Variants in SPAG9 observed in about 807,000 individuals in gnomAD.
The protein encoded by SPAG9 is C-Jun-amino-terminal kinase-interacting protein 4.
A neutral mutation model predicts 166.5 loss-of-function variants in SPAG9; 35 were observed. The ratio of observed to expected loss-of-function variants is 0.21; its 90% confidence interval spans 0.16 to 0.28. The LOEUF (loss-of-function observed/expected upper bound fraction) is 0.28, where lower values mean the gene tolerates loss of function less well. Ranked by LOEUF, SPAG9 falls within the 10% of genes least tolerant of loss-of-function variation. The pLI, the probability that SPAG9 is intolerant of heterozygous loss-of-function variation, is 1.00. For missense variants in SPAG9, 1,235 were observed against 1,603.3 expected, an observed-to-expected ratio of 0.77 and a Z score of 3.92; for synonymous variants, 534 against 565.5, an observed-to-expected ratio of 0.94 and a Z score of 0.79.
At chr17:51,046,563 A>G in intron 4 of SPAG9, 1 of 1,536,240 alleles carries the variant, frequency 6.5e-7, no homozygotes, top group Non-Finnish European at 8.7e-7. Context: ...AAAGTGCACA[A>G]GCAGCAAAAC....
At chr17:50,980,629 A>G (rs1392744109) in intron 25 of SPAG9, among the ~76,000 whole-genome samples, 1 of 151,330 alleles carries the variant, frequency 6.6e-6, no homozygotes. Context: ...GCACTTTGGA[A>G]GGCCGAGGTG....
At chr17:51,118,675 G>A (rs971674083) in intron 1 of SPAG9, among the ~76,000 whole-genome samples, 1 of 152,172 alleles carries the variant, frequency 6.6e-6, no homozygotes, top group Non-Finnish European at 1.5e-5. Context: ...ACAAACAAGC[G>A]GAAATTGTGA....
At chr17:51,076,410 C>T (rs993116891) in intron 2 of SPAG9, among the ~76,000 whole-genome samples, 10 of 150,888 alleles carry the variant, frequency 6.6e-5, no homozygotes, top group South Asian at 4.2e-4. Context: ...GAGTGAGATC[C>T]GGTTTCAATA....
Position 51,046,454 on chromosome 17 carries a change from T to C in SPAG9, c.590+921A>G, listed in dbSNP as rs1269086362. The stretch of plus-strand genomic sequence containing the variant: ...AAGCAGACCCGTTGAGCTAAAAATT[T>C]AATAAAAACCAGCTAAGCAGGGGCT... On this transcript the variant is annotated intron_variant, in intron 4 of 29. Transcript: ENST00000262013. 5 of 1,404,890 alleles carry C rather than the reference T, an allele frequency of 3.6e-6. No individual in the cohort carries two copies. In the African/African-American group the frequency reaches 4.3e-5, roughly 12 times the overall value. The allele number at this position is 1,404,890 out of a possible 1,614,324, so 87.0% of individuals were successfully genotyped here. A position where few individuals can be genotyped will look rare whatever the true frequency, so the allele number is the denominator to read the frequency against.
At position 50,989,848 on chromosome 17, in the gene SPAG9, A is replaced by C; in HGVS notation, c.2642T>G (p.Val881Gly). Reference protein sequence around the residue: ...PPEMEAENSEVDENVPTAEEA... With the variant: ...PPEMEAENSEGDENVPTAEEA... ...TTCTGCTGTTGGAACATTTTCATCA[A>C]CCTCACTATTTTCTGCTTCCATTTC... The change falls in exon 21 of 30, where the codon GTT becomes GGT. Residue 881 changes from valine (V) to glycine (G), a missense_variant. Transcript: ENST00000262013. 1 of 1,613,964 alleles carries C rather than the reference A, an allele frequency of 6.2e-7. No individual in the cohort carries two copies. Among genetic ancestry groups the C allele is most frequent in the African/African-American group, 1.3e-5 (1 of 74,978 alleles).
chr17:50,999,979 C>A lies in SPAG9; in HGVS notation c.1608-262G>T, dbSNP rs72842250. 0.069 allele frequency among the ~76,000 whole-genome samples: 10,458 copies of A among 152,276 alleles called. 395 individuals carry two copies. Among genetic ancestry groups the A allele is most frequent in the Non-Finnish European group, 0.089 (6,078 of 68,018 alleles). On this transcript the variant is annotated intron_variant, in intron 13 of 29. Transcript: ENST00000262013. ...ACAGAGGACTGTAATATGTGCTAGA[C>A]AGCCAACATGCCTGAATGATATTTA...
chr17:51,083,349 C>T (rs2144655000), intron 1 of SPAG9, among the ~76,000 whole-genome samples: 1 of 151,402 alleles, frequency 6.6e-6, no homozygotes, highest in South Asian at 2.1e-4. Flanking sequence ...ATTCTCCTGC[C>T]TCAGCTTCCC....
rs763504092 is a variant in SPAG9 at position 51,006,114 on chromosome 17, C to G, written c.1395G>C (p.Lys465Asn). The G allele has an allele frequency of 6.2e-7, 1 of 1,614,188 alleles. No individual in the cohort carries two copies. The highest frequency in any genetic ancestry group is 1.1e-5 in the South Asian group (1 of 91,086). The change falls in exon 11 of 30, where the codon AAG (lysine) becomes AAC (asparagine). Residue 465 changes from lysine to asparagine, a missense_variant. Coordinates refer to ENST00000262013, the MANE Select transcript of SPAG9 (RefSeq NM_001130528.3). Reference sequence around the variant, plus strand: ...TAAGCTCTTCCTCCAATTCTCTGTTCTTTTCCTCTAGTTTCAGTTTGGCTT... The same window carrying G: ...TAAGCTCTTCCTCCAATTCTCTGTTGTTTTCCTCTAGTTTCAGTTTGGCTT... ...VKQAKLKLEE[K>N]NRELEEELRK...
intron 6 of SPAG9, among the ~76,000 whole-genome samples, chr17:51,028,999 G>A (rs903567689): frequency 1.1e-4 from 17 of 152,028 alleles, no homozygotes; most frequent in Non-Finnish European, 1.0e-4. Flanking sequence ...GGAGACTTAC[G>A]CAGTCATCAA....
At chr17:51,068,426 CA>C (rs2047732380) in intron 2 of SPAG9, among the ~76,000 whole-genome samples, 1 of 152,166 alleles carries the variant, frequency 6.6e-6, no homozygotes, top group African/African-American at 2.4e-5. Context: ...AGGATAACTT[CA>C]AAGAATCCCA....
rs573835883 is a variant in SPAG9 at position 51,089,552 on chromosome 17, TTA to T, written c.304-9850_304-9849del. 5.6e-3 allele frequency among the ~76,000 whole-genome samples: 780 copies of T among 139,138 alleles called. 7 individuals carry two copies. The highest frequency in any genetic ancestry group is 0.019 in the African/African-American group (710 of 38,354). 91.3% of individuals were successfully genotyped at this position (139,138 alleles called of 152,430 possible). On this transcript the variant is annotated intron_variant, in intron 1 of 29. Transcript: ENST00000262013. ...TTCCCCAAAAAATATTGAAATAAAA[TTA>T]TATATATATAATTATAATATATATG...
intron 1 of SPAG9, among the ~76,000 whole-genome samples, chr17:51,118,084 G>A (rs1207325912): frequency 1.3e-5 from 2 of 149,442 alleles, no homozygotes; most frequent in African/African-American, 4.9e-5. Context: ...GCAGTGAGCC[G>A]AGATCGTGCC....
chr17:51,086,040 C>T (rs926444741), intron 1 of SPAG9, among the ~76,000 whole-genome samples: 2 of 142,606 alleles, frequency 1.4e-5, no homozygotes, highest in African/African-American at 2.6e-5. Context: ...GCAATCTCAG[C>T]TCACTGCAAC....
intron 12 of SPAG9, 31 bp downstream of exon 12, chr17:51,005,181 T>G: frequency 1.3e-6 from 2 of 1,599,840 alleles, no homozygotes; most frequent in Non-Finnish European, 1.7e-6. Flanking sequence ...CATGGTAAGG[T>G]AAGAAAAAAA....
At chr17:50,972,496 TAGAA>T (rs749512209) in intron 28 of SPAG9, among the ~76,000 whole-genome samples, 39 of 152,198 alleles carry the variant, frequency 2.6e-4, no homozygotes, top group African/African-American at 3.6e-4. Context: ...TGTGAAATAA[TAGAA>T]AGAGAGAAAC....
intron 1 of SPAG9, among the ~76,000 whole-genome samples, chr17:51,095,976 T>TATATATATATAGTGATATATATATAGTG (rs1568083845): frequency 1.2e-4 from 7 of 58,390 alleles, no homozygotes; most frequent in Admixed American, 6.7e-4. Flanking sequence ...TATATAGTGA[T>TATATATATATAGTGATATATATATAGTG]ATATATATAT....
At chr17:51,096,776 C>T (rs182025421) in intron 1 of SPAG9, among the ~76,000 whole-genome samples, 1 of 152,224 alleles carries the variant, frequency 6.6e-6, no homozygotes, top group East Asian at 1.9e-4. Context: ...AAATAAAATG[C>T]AAGATTATAT....
At chr17:50,976,980 T>A in intron 27 of SPAG9, 128 bp downstream of exon 27, 1 of 613,074 alleles carries the variant, frequency 1.6e-6, no homozygotes. Context: ...TTTCATTGAG[T>A]GAAGTAACTA....
intron 1 of SPAG9, among the ~76,000 whole-genome samples, chr17:51,097,407 A>G (rs2048676173): frequency 6.6e-6 from 1 of 152,154 alleles, no homozygotes; most frequent in East Asian, 1.9e-4. Context: ...GTAGCTGGGC[A>G]AGGTGGCACA....
Sources: allele counts gnomAD v4.1 joint callset (sites outside exome capture counted in the v4.1 genomes callset), GRCh38; gene constraint gnomAD v4.1.1; transcripts MANE v1.5; gene names NCBI Gene and HGNC (gene_info 2026-07-23, HGNC 2026-07-21).